The following MOV10L1 variants were observed in gnomAD, a reference collection of about 807,000 sequenced individuals.
MOV10L1 encodes RNA helicase Mov10l1.
MOV10L1 carries 110 observed loss-of-function variants against 143.8 expected under a neutral mutation model. That is an observed-to-expected ratio of 0.76 (90% confidence interval 0.66 to 0.90). The LOEUF is 0.90. Ranked by LOEUF, MOV10L1 falls within the 40% of genes least tolerant of loss-of-function variation. The pLI is 0.00. For missense variants in MOV10L1, 1,406 were observed against 1,526.8 expected, an observed-to-expected ratio of 0.92 and a Z score of 1.32; for synonymous variants, 593 against 581.1, an observed-to-expected ratio of 1.02 and a Z score of -0.29.
At chr22:50,131,453 A>T (rs1247226743) in intron 13 of MOV10L1, among the ~76,000 whole-genome samples, 1 of 152,140 alleles carries the variant, frequency 6.6e-6, no homozygotes, top group Non-Finnish European at 1.5e-5. Context: ...ATTTTGGTGA[A>T]GTCCAGTTTA....
chr22:50,156,147 ACT>A (rs1476124749), intron 22 of MOV10L1, among the ~76,000 whole-genome samples: 2 of 149,622 alleles, frequency 1.3e-5, no homozygotes, highest in South Asian at 2.1e-4. Flanking sequence ...CAGTTGTCTC[ACT>A]CTGTCACCCA....
At position 50,123,196 on chromosome 22, in the gene MOV10L1, C is replaced by CAAAA. The variant is rs71198219; in HGVS notation, c.1570-2177_1570-2174dup. On this transcript the variant is annotated intron_variant, in intron 10 of 26. Transcript: ENST00000262794. ...TGGTGACAGAGGGAAACTCATGTCT[C>CAAAA]AAAAAAAAAAAAAAAAAAAAAATTC... is the stretch of plus-strand genomic sequence containing the variant. 1.2e-3 allele frequency among the ~76,000 whole-genome samples: 119 copies of CAAAA among 101,284 alleles called. 1 individual carries two copies. The highest frequency in any genetic ancestry group is 5.5e-3 in the Middle Eastern group (1 of 182). The allele number at this position is 101,284 out of a possible 152,430, so 66.4% of individuals were successfully genotyped here.
At chr22:50,096,654 T>G (rs2062596684) in intron 2 of MOV10L1, among the ~76,000 whole-genome samples, 1 of 152,218 alleles carries the variant, frequency 6.6e-6, no homozygotes, top group Admixed American at 6.5e-5. Flanking sequence ...CTTTTTCTTT[T>G]TTTTTCTTTT....
Position 50,114,474 on chromosome 22 carries a change from C to A in MOV10L1, c.978C>A (p.Asp326Glu). 1 of 1,614,156 alleles carries A rather than the reference C, an allele frequency of 6.2e-7. No homozygotes were observed. The highest frequency in any genetic ancestry group is 1.1e-5 in the South Asian group (1 of 91,090). ...TCAGATTCCAAATGCTGGATAAAGA[C>A]CAGATGTGCCCCGTGGTATCTTTTG... ...KQFRFQMLDKDQMCPVVSFVS... is the reference protein window; with the variant it reads ...KQFRFQMLDKEQMCPVVSFVS... Residue 326 changes from aspartate to glutamate, a missense_variant, in exon 7 of 27, where the codon GAC (aspartate) becomes GAA (glutamate). By Grantham distance (45) the Asp-to-Glu change is conservative. Around this residue, in one of 3 missense-constraint regions of MOV10L1, gnomAD observed 1,233 missense variants for 1,351.4 expected, o/e 0.91. Transcript: ENST00000262794.
rs1326665031 is a variant in MOV10L1, at chr22:50,113,712, G to A, written c.808G>A (p.Asp270Asn). The A allele has an allele frequency of 1.9e-6, 3 of 1,614,000 alleles. No homozygotes were observed. The African/African-American group carries it at 4.0e-5, about 22-fold the overall frequency. The change falls in exon 6 of 27, where the codon GAT becomes AAT. Residue 270 changes from aspartate (D) to asparagine (N), a missense_variant. Physicochemically the swap from Asp to Asn is conservative, Grantham distance 23 (BLOSUM62 1). This residue lies in a region of MOV10L1 where 1,233 missense variants were observed against 1,351.4 expected (regional missense o/e 0.91). Coordinates refer to ENST00000262794, the MANE Select transcript of MOV10L1 (RefSeq NM_018995.3). ...AACGATTTTGCTGAAGAACAAAGGT[G>A]ATATTGAAGTTACACAGGTGACGCA... The part of the protein sequence containing the change: ...YGTILLKNKG[D>N]IEVTQVTHFG...
chr22:50,125,458 GA>G lies in MOV10L1; in HGVS notation c.1639del (p.Met547TrpfsTer3). On this transcript the variant is annotated frameshift_variant, in exon 11 of 27. Coordinates refer to ENST00000262794, the MANE Select transcript of MOV10L1 (RefSeq NM_018995.3). LOFTEE classifies it high-confidence loss of function. ...GCTGTGGCTTGAGGAGATTTATGCAGAAATGGAACTGAAAGAGTATAACATG... is the reference window on the plus strand; with the variant it reads ...GCTGTGGCTTGAGGAGATTTATGCAGAATGGAACTGAAAGAGTATAACATG... ...TLLWLEEIYA[E>X]MELKEYNMSG... 6.2e-7 allele frequency: 1 copy of G among 1,614,214 alleles called. No homozygotes were observed. Among genetic ancestry groups the G allele is most frequent in the Non-Finnish European group, 8.5e-7 (1 of 1,180,038 alleles).
In MOV10L1 at chr22:50,126,107, T is replaced by G. The variant is rs150252067; in HGVS notation, c.1748-95T>G. Reference sequence around the variant, plus strand: ...GCACCCAGCCTGACCCCAGTAACGTTTTATTGAACCTCCTCAGTGTTGGAT... The same window carrying G: ...GCACCCAGCCTGACCCCAGTAACGTGTTATTGAACCTCCTCAGTGTTGGAT... On this transcript the variant is annotated intron_variant, in intron 11 of 26. Coordinates refer to ENST00000262794, the MANE Select transcript of MOV10L1 (RefSeq NM_018995.3). 4.3e-5 allele frequency: 36 copies of G among 841,844 alleles called. 1 individual carries two copies. In the East Asian group the frequency reaches 9.6e-4, roughly 22 times the overall value. The allele number at this position is 841,844 out of a possible 1,614,324, so 52.1% of individuals were successfully genotyped here.
chr22:50,098,081 C>G (rs866900198), intron 2 of MOV10L1, among the ~76,000 whole-genome samples: 146 of 152,222 alleles, frequency 9.6e-4, no homozygotes, highest in African/African-American at 3.4e-3. Context: ...AAGTGATCCA[C>G]CTGCCTCAAC....
At chr22:50,128,348 G>T in intron 12 of MOV10L1, 68 bp from the exon 13 acceptor site, 1 of 889,386 alleles carries the variant, frequency 1.1e-6, no homozygotes, top group Non-Finnish European at 1.8e-6. Context: ...AATTTTTGAT[G>T]ATGTGTCGCT....
chr22:50,153,188 A>G lies in MOV10L1; in HGVS notation c.3036A>G (p.Lys1012=), dbSNP rs753907145. The G allele has an allele frequency of 5.0e-6, 8 of 1,613,864 alleles. No individual in the cohort carries two copies. The highest frequency in any genetic ancestry group is 1.1e-5 in the South Asian group (1 of 91,076). The part of the protein sequence containing the change: ...SLLGWEKLPK[K]GFPLIFHGVR... ...TGGGCTGGGAGAAGTTGCCTAAGAA[A>G]GGCTTCCCTCTCATCTTCCATGGTG... is the stretch of plus-strand genomic sequence containing the variant. The change falls in exon 22 of 27, where the codon AAA becomes AAG. Residue 1012 remains lysine (K), a synonymous_variant. Coordinates refer to ENST00000262794, the MANE Select transcript of MOV10L1 (RefSeq NM_018995.3).
At chr22:50,123,930 G>A (rs1330493371) in intron 10 of MOV10L1, among the ~76,000 whole-genome samples, 1 of 152,124 alleles carries the variant, frequency 6.6e-6, no homozygotes, top group East Asian at 1.9e-4. Flanking sequence ...ATTGGTATAC[G>A]ATTGCTCATA....
In MOV10L1 at chr22:50,099,440, C is replaced by T. The variant is rs1653457029; in HGVS notation, c.283-3C>T. The T allele has an allele frequency of 1.9e-6, 3 of 1,612,826 alleles. No homozygotes were observed. The highest frequency in any genetic ancestry group is 2.5e-6 in the Non-Finnish European group (3 of 1,179,168). ...GGTTTAGAGCGGTGTGTTTGTTTTA[C>T]AGGTAGAAGCTGTCTCTGATAAGTG... On this transcript the variant is annotated splice_polypyrimidine_tract_variant and splice_region_variant and intron_variant, in intron 2 of 26. Coordinates refer to ENST00000262794, the MANE Select transcript of MOV10L1 (RefSeq NM_018995.3).
rs1465039201 is a variant in MOV10L1 at position 50,149,719 on chromosome 22, G to C, written c.2727+5G>C. 3 of 1,611,912 alleles carry C rather than the reference G, an allele frequency of 1.9e-6. No individual in the cohort carries two copies. The highest frequency in any genetic ancestry group is 2.2e-5 in the South Asian group (2 of 90,784). Reference sequence around the variant, plus strand: ...ATGTCGGACATCAGTGGCCAGGTAAGTCCCGACTACTGTGTGTGCTGCTTC... The same window carrying C: ...ATGTCGGACATCAGTGGCCAGGTAACTCCCGACTACTGTGTGTGCTGCTTC... On this transcript the variant is annotated splice_donor_5th_base_variant and intron_variant, in intron 20 of 26. Coordinates refer to ENST00000262794, the MANE Select transcript of MOV10L1 (RefSeq NM_018995.3).
chr22:50,106,759 T>G (rs2061879095), intron 3 of MOV10L1, among the ~76,000 whole-genome samples: 1 of 149,588 alleles, frequency 6.7e-6, no homozygotes, highest in Admixed American at 6.8e-5. Context: ...TGGAGTGCAG[T>G]GGCTCAATCT....
At chr22:50,161,092 G>GCT in intron 26 of MOV10L1, 37 bp downstream of exon 26, 1 of 1,594,434 alleles carries the variant, frequency 6.3e-7, no homozygotes, top group Non-Finnish European at 8.6e-7. Flanking sequence ...AGACAGGCTG[G>GCT]CTCTAGAACG....
In MOV10L1 at chr22:50,099,488, G is replaced by T. The variant is rs777698774; in HGVS notation, c.328G>T (p.Gly110Trp). 1.2e-6 allele frequency: 2 copies of T among 1,614,180 alleles called. No homozygotes were observed. Among genetic ancestry groups the T allele is most frequent in the East Asian group, 2.2e-5 (1 of 44,890 alleles). Residue 110 changes from glycine (G) to tryptophan (W), a missense_variant, in exon 3 of 27, where the codon GGG becomes TGG. Around this residue, in one of 3 missense-constraint regions of MOV10L1, gnomAD observed 166 missense variants for 153.9 expected, o/e 1.08. Coordinates refer to ENST00000262794, the MANE Select transcript of MOV10L1 (RefSeq NM_018995.3). ...GTGGGAAGACGACAGCAGAAACCAT[G>T]GGAGTCCCTCAGACTGCGGCCCCCG... ...DKWEDDSRNHGSPSDCGPRVL... is the reference protein window; with the variant it reads ...DKWEDDSRNHWSPSDCGPRVL...
intron 15 of MOV10L1, among the ~76,000 whole-genome samples, chr22:50,140,292 A>G (rs1808762800): frequency 6.6e-6 from 1 of 152,196 alleles, no homozygotes; most frequent in South Asian, 2.1e-4. Flanking sequence ...GGCTCTGGGG[A>G]CTGACAGGTC....
At position 50,115,100 on chromosome 22, in the gene MOV10L1, A is replaced by G. The variant is rs758955428; in HGVS notation, c.1127-14A>G. On this transcript the variant is annotated splice_polypyrimidine_tract_variant and intron_variant, in intron 7 of 26. Coordinates refer to ENST00000262794, the MANE Select transcript of MOV10L1 (RefSeq NM_018995.3). ...CCTTTTGGTCAACTTTTGTATTAAA[A>G]TTTTATTTCCCAGGTGATTGTACCT... 1.3e-6 allele frequency: 2 copies of G among 1,560,368 alleles called. No individual in the cohort carries two copies. The highest frequency in any genetic ancestry group is 2.2e-5 in the Admixed American group (1 of 44,672).
chr22:50,114,585 G>A lies in MOV10L1; in HGVS notation c.1089G>A (p.Ser363=), dbSNP rs536832583. The A allele has an allele frequency of 1.5e-5, 25 of 1,614,078 alleles. No homozygotes were observed. Among genetic ancestry groups the A allele is most frequent in the African/African-American group, 5.3e-5 (4 of 75,020 alleles). The change falls in exon 7 of 27, where the codon TCG becomes TCA. Residue 363 remains serine (S), a synonymous_variant. Coordinates refer to ENST00000262794, the MANE Select transcript of MOV10L1 (RefSeq NM_018995.3). ...CAAAAAACAAAACCTCTCAGATGTCGGAGAGCAGTTTGGTGAACAACAGAG... is the reference window on the plus strand; with the variant it reads ...CAAAAAACAAAACCTCTCAGATGTCAGAGAGCAGTTTGGTGAACAACAGAG... ...SHTKNKTSQM[S]ESSLVNNRGI... is the part of the protein sequence containing the mutation.
Sources: allele counts gnomAD v4.1 joint callset (sites outside exome capture counted in the v4.1 genomes callset), GRCh38; gene constraint gnomAD v4.1.1; regional missense constraint gnomAD v4.1.1; transcripts MANE v1.5; gene names NCBI Gene and HGNC (gene_info 2026-07-23, HGNC 2026-07-21).